The following RIMS2 variants were observed in gnomAD, a reference collection of about 807,000 sequenced individuals.
RIMS2 encodes regulating synaptic membrane exocytosis 2, also known as regulating synaptic membrane exocytosis protein 2.
Under a neutral mutation model 174.4 loss-of-function variants are expected in RIMS2, and 59 were observed. That is an observed-to-expected ratio of 0.34 (90% CI 0.27 to 0.42). The LOEUF is 0.42. Among genes scored for constraint, RIMS2 ranks in the 10% least tolerant of loss-of-function variants. The probability of loss-of-function intolerance (pLI) is 1.00; values close to 1 mark genes in which losing one functional copy is unlikely to be tolerated. For missense variants in RIMS2, 1,620 were observed against 1,666.3 expected (o/e 0.97, Z 0.48); for synonymous variants, 606 against 572.5 (o/e 1.06, Z -0.84).
intron 17 of RIMS2, among the ~76,000 whole-genome samples, chr8:104,012,232 C>T (rs1022148289): frequency 6.6e-6 from 1 of 151,868 alleles, no homozygotes; most frequent in African/African-American, 2.4e-5. Context: ...GTAAAATAAT[C>T]ACAAGATATG....
At position 103,620,546 on chromosome 8, in the gene RIMS2, G is replaced by A. The variant is rs115925352; in HGVS notation, c.177-76540G>A. Among the ~76,000 whole-genome samples, 1,303 of 152,118 alleles carry A rather than the reference G, an allele frequency of 8.6e-3. 10 individuals carry two copies. The highest frequency in any genetic ancestry group is 0.017 in the African/African-American group (708 of 41,520). On this transcript the variant is annotated intron_variant, in intron 1 of 23. Transcript: ENST00000504942. The stretch of plus-strand genomic sequence containing the variant: ...ATCTGAGGGAAAAATGAAAGCAACC[G>A]ATTAATGTAAACAGCTGGAATTCCA...
At chr8:103,507,284 A>G (rs763721359) in intron 1 of RIMS2, among the ~76,000 whole-genome samples, 9 of 152,022 alleles carry the variant, frequency 5.9e-5, no homozygotes, top group Non-Finnish European at 1.2e-4. Context: ...AATACCTTTT[A>G]TATTTCCCCA....
At chr8:103,609,530 G>T (rs1043778350) in intron 1 of RIMS2, among the ~76,000 whole-genome samples, 2 of 152,116 alleles carry the variant, frequency 1.3e-5, no homozygotes, top group African/African-American at 4.8e-5. Flanking sequence ...TTCCTGTTTG[G>T]ATATGGTATA....
intron 1 of RIMS2, among the ~76,000 whole-genome samples, chr8:103,671,463 CT>C: frequency 6.6e-6 from 1 of 152,164 alleles, no homozygotes; most frequent in Middle Eastern, 3.2e-3. Flanking sequence ...ATCAGTTAGT[CT>C]TTTCATTGGA....
chr8:103,945,661 C>A (rs1404843492), intron 14 of RIMS2, among the ~76,000 whole-genome samples: 2 of 150,074 alleles, frequency 1.3e-5, no homozygotes, highest in Non-Finnish European at 3.0e-5. Flanking sequence ...TATAATTCAA[C>A]ATATTAACAG....
intron 19 of RIMS2, among the ~76,000 whole-genome samples, chr8:104,174,390 C>T (rs2098857807): frequency 6.9e-6 from 1 of 145,092 alleles, no homozygotes; most frequent in Non-Finnish European, 1.5e-5. Context: ...CTGAAAGATT[C>T]TGGGCTTAAA....
At chr8:103,578,689 A>T (rs1249942941) in intron 1 of RIMS2, among the ~76,000 whole-genome samples, 1 of 152,020 alleles carries the variant, frequency 6.6e-6, no homozygotes, top group Non-Finnish European at 1.5e-5. Flanking sequence ...GAAGGAAAAA[A>T]TCTGCTGTTT....
At chr8:104,140,981 T>C (rs1365202143) in intron 19 of RIMS2, among the ~76,000 whole-genome samples, 1 of 152,216 alleles carries the variant, frequency 6.6e-6, no homozygotes, top group Non-Finnish European at 1.5e-5. Context: ...ATCATAATTT[T>C]TGGGTACATT....
chr8:103,812,436 CCGCACACTGTGCGATCTT>C (rs2098694666), intron 3 of RIMS2, among the ~76,000 whole-genome samples: 2 of 149,514 alleles, frequency 1.3e-5, no homozygotes, highest in Non-Finnish European at 3.0e-5. Context: ...TGTGCAATCC[CCGCACACTGTGCGATCTT>C]GGTATATACC....
chr8:104,183,092 T>C (rs1444148794), intron 19 of RIMS2, among the ~76,000 whole-genome samples: 1 of 151,780 alleles, frequency 6.6e-6, no homozygotes, highest in Non-Finnish European at 1.5e-5. Flanking sequence ...CTTGCAGGTC[T>C]GTATTCTGCT....
chr8:103,863,190 G>A (rs1166944866), intron 3 of RIMS2, among the ~76,000 whole-genome samples: 2 of 152,042 alleles, frequency 1.3e-5, no homozygotes, highest in Non-Finnish European at 2.9e-5. Flanking sequence ...GTTGGATTTT[G>A]TCAGAATTTT....
At chr8:103,533,676 A>G (rs868836231) in intron 1 of RIMS2, among the ~76,000 whole-genome samples, 1 of 116,552 alleles carries the variant, frequency 8.6e-6, no homozygotes, top group Admixed American at 8.6e-5. Context: ...AAAAAAAAAA[A>G]AAAAAAGAAA....
At chr8:103,880,254 A>G (rs952293813) in intron 3 of RIMS2, among the ~76,000 whole-genome samples, 1 of 151,628 alleles carries the variant, frequency 6.6e-6, no homozygotes, top group Non-Finnish European at 1.5e-5. Flanking sequence ...TAAATTTCTA[A>G]ATCCACCAGT....
chr8:103,781,993 C>T (rs1192483815), intron 3 of RIMS2, among the ~76,000 whole-genome samples: 4 of 151,876 alleles, frequency 2.6e-5, no homozygotes, highest in African/African-American at 9.7e-5. Flanking sequence ...GGTGATCCGC[C>T]CACCTCGGCC....
At chr8:103,718,925 CA>C (rs1271025234) in intron 2 of RIMS2, among the ~76,000 whole-genome samples, 1 of 152,172 alleles carries the variant, frequency 6.6e-6, no homozygotes. Context: ...GCTGGGATTA[CA>C]GGCATGAGCC....
chr8:103,713,148 A>G (rs1482838864), intron 2 of RIMS2, among the ~76,000 whole-genome samples: 3 of 152,098 alleles, frequency 2.0e-5, no homozygotes, highest in African/African-American at 7.2e-5. Context: ...CCTCCTGAGT[A>G]GCTGGGATTA....
chr8:103,651,119 C>T (rs559193383), intron 1 of RIMS2, among the ~76,000 whole-genome samples: 26 of 152,310 alleles, frequency 1.7e-4, no homozygotes, highest in South Asian at 1.2e-3. Context: ...TGTGGGTTCA[C>T]GAGGATATCT....
intron 2 of RIMS2, among the ~76,000 whole-genome samples, chr8:103,726,660 A>G (rs1469315771): frequency 6.7e-6 from 1 of 149,060 alleles, no homozygotes; most frequent in Non-Finnish European, 1.5e-5. Context: ...TTTTTGATGT[A>G]TTCACCTTCC....
At chr8:104,116,323 A>G (rs1394727047) in intron 19 of RIMS2, among the ~76,000 whole-genome samples, 1 of 152,214 alleles carries the variant, frequency 6.6e-6, no homozygotes, top group Admixed American at 6.5e-5. Context: ...TTTCACAGGT[A>G]TGAAAAGAAA....
Sources: allele counts gnomAD v4.1 joint callset (sites outside exome capture counted in the v4.1 genomes callset), GRCh38; gene constraint gnomAD v4.1.1; transcripts MANE v1.5; gene names NCBI Gene and HGNC (gene_info 2026-07-23, HGNC 2026-07-21).